AZIN2: variants seen among roughly 807,000 people sequenced by gnomAD.
The protein encoded by AZIN2 is antizyme inhibitor 2, also known as ODC antizyme inhibitor-2.
In AZIN2, 28 loss-of-function variants were observed where a neutral mutation model predicts 47.8. That is an observed-to-expected ratio of 0.59 (90% CI 0.43 to 0.80). AZIN2 has a LOEUF of 0.80. AZIN2 is among the 30% of genes least tolerant of loss of function. The probability of loss-of-function intolerance (pLI) is 0.00; values close to 1 mark genes in which losing one functional copy is unlikely to be tolerated. For synonymous variants in AZIN2, 221 were observed against 239.4 expected, an observed-to-expected ratio of 0.92 and a Z score of 0.71; for missense variants, 535 against 582.5, an observed-to-expected ratio of 0.92 and a Z score of 0.84.
At chr1:33,132,198 C>T in the AZIN2 span, among the ~76,000 whole-genome samples, 3 of 152,192 alleles carry the variant, frequency 2.0e-5, no homozygotes, top group African/African-American at 7.2e-5. Context: ...CTGCTTTTTT[C>T]CCACCCTTAC....
At chr1:33,089,765 G>C (rs1292878215) in intron 5 of AZIN2, among the ~76,000 whole-genome samples, 1 of 152,066 alleles carries the variant, frequency 6.6e-6, no homozygotes, top group Non-Finnish European at 1.5e-5. Flanking sequence ...ATAGTCATTG[G>C]GATTAAATGA....
chr1:33,151,143 C>T, the AZIN2 span, among the ~76,000 whole-genome samples: 21 of 152,076 alleles, frequency 1.4e-4, no homozygotes, highest in African/African-American at 3.9e-4. Context: ...CAAGGGGGCT[C>T]TCCGTGGGTC....
chr1:33,161,631 C>G, the AZIN2 span, among the ~76,000 whole-genome samples: 6 of 152,244 alleles, frequency 3.9e-5, no homozygotes, highest in East Asian at 7.7e-4. The surrounding 1 kb of genome is among the most constrained non-coding windows in gnomAD (Gnocchi z 4.3). Context: ...GCCAGGCTGC[C>G]GTGGCCTTCC....
rs1642913218 is a variant in AZIN2, at chr1:33,094,382, G to T, written c.588-166G>T. On this transcript the variant is annotated intron_variant, in intron 7 of 11. Transcript: ENST00000294517. Reference sequence around the variant, plus strand: ...CAAGCCTCCTGTCCACTTCTCCCTTGCCATATGGCCCTTGGCAACCCATTG... The same window carrying T: ...CAAGCCTCCTGTCCACTTCTCCCTTTCCATATGGCCCTTGGCAACCCATTG... Among the ~76,000 whole-genome samples, 6 of 152,188 alleles carry T rather than the reference G, an allele frequency of 3.9e-5. No individual in the cohort carries two copies. In the South Asian group the frequency reaches 1.2e-3, roughly 31 times the overall value.
chr1:33,114,134 T>G (rs971271829), intron 10 of AZIN2, among the ~76,000 whole-genome samples: 7 of 152,018 alleles, frequency 4.6e-5, no homozygotes, highest in African/African-American at 1.7e-4. Flanking sequence ...TTTTCTTTTT[T>G]TTTTTGAGAT....
downstream of AZIN2, among the ~76,000 whole-genome samples, chr1:33,125,327 C>A (rs571795971): frequency 5.3e-5 from 8 of 152,338 alleles, no homozygotes; most frequent in Non-Finnish European, 8.8e-5. Context: ...GATTGTCAGT[C>A]CTCTGCTGAA....
chr1:33,147,518 A>G, the AZIN2 span: 2 of 1,613,602 alleles, frequency 1.2e-6, no homozygotes, highest in Admixed American at 3.3e-5. The surrounding 1 kb of genome is among the most constrained non-coding windows in gnomAD (Gnocchi z 8.1). Flanking sequence ...CCGATCACCC[A>G]CTGGGTCTTC....
the AZIN2 span, among the ~76,000 whole-genome samples, chr1:33,149,909 G>A: frequency 1.3e-5 from 2 of 152,188 alleles, no homozygotes; most frequent in African/African-American, 2.4e-5. Flanking sequence ...CCAGCCCAGG[G>A]CCTGGCTTGT....
the AZIN2 span, among the ~76,000 whole-genome samples, chr1:33,133,643 G>A: frequency 6.6e-6 from 1 of 152,218 alleles, no homozygotes; most frequent in African/African-American, 2.4e-5. Flanking sequence ...ACTGCAGCTT[G>A]TAAGCCACCC....
the AZIN2 span, chr1:33,145,813 G>A: frequency 2.1e-6 from 1 of 468,560 alleles, no homozygotes. Flanking sequence ...GGATGCTGTG[G>A]CAGAAAAACG....
At chr1:33,165,452 G>A in the AZIN2 span, 10 of 1,567,486 alleles carry the variant, frequency 6.4e-6, no homozygotes, top group African/African-American at 2.7e-5. This position sits in a 1 kb window ranked among gnomAD's most constrained non-coding sequence, Gnocchi z 4.0. Flanking sequence ...CCCCACCTCC[G>A]CGCCCCGGCC....
chr1:33,165,404 G>A, the AZIN2 span: 1 of 1,396,756 alleles, frequency 7.2e-7, no homozygotes, highest in Non-Finnish European at 9.7e-7. The surrounding 1 kb of genome is among the most constrained non-coding windows in gnomAD (Gnocchi z 4.0). Flanking sequence ...TTCCCCAGCT[G>A]GCCCCGCCCC....
intron 5 of AZIN2, among the ~76,000 whole-genome samples, chr1:33,084,346 C>T (rs143088718): frequency 2.1e-3 from 314 of 152,284 alleles, no homozygotes; most frequent in African/African-American, 7.3e-3. Flanking sequence ...CTTCTTTGTC[C>T]CTGGTAGAAA....
At chr1:33,091,111 G>A (rs1471679390) in intron 5 of AZIN2, among the ~76,000 whole-genome samples, 1 of 152,198 alleles carries the variant, frequency 6.6e-6, no homozygotes, top group Non-Finnish European at 1.5e-5. Context: ...GGACACTTAG[G>A]TGGCTTGCGT....
At chr1:33,134,948 G>C in the AZIN2 span, among the ~76,000 whole-genome samples, 3 of 152,124 alleles carry the variant, frequency 2.0e-5, no homozygotes, top group East Asian at 5.8e-4. Flanking sequence ...GCCTCCAGCT[G>C]TGTTTCACTC....
chr1:33,144,328 G>A, the AZIN2 span, among the ~76,000 whole-genome samples: 1 of 152,160 alleles, frequency 6.6e-6, no homozygotes, highest in Non-Finnish European at 1.5e-5. Flanking sequence ...AGTAGAGACG[G>A]GGTTTCTCCA....
At chr1:33,156,261 T>A in the AZIN2 span, among the ~76,000 whole-genome samples, 1 of 152,048 alleles carries the variant, frequency 6.6e-6, no homozygotes, top group East Asian at 1.9e-4. Flanking sequence ...ACTGCCACAC[T>A]CTCTCTCCTT....
chr1:33,148,477 C>T, the AZIN2 span, among the ~76,000 whole-genome samples: 32 of 152,136 alleles, frequency 2.1e-4, no homozygotes, highest in African/African-American at 7.0e-4. Flanking sequence ...CTAAGGGCAA[C>T]ACCACTGACT....
chr1:33,138,626 CAAAAAA>C, the AZIN2 span, among the ~76,000 whole-genome samples: 1 of 66,102 alleles, frequency 1.5e-5, no homozygotes, highest in African/African-American at 4.7e-5. Context: ...ACAACAACAA[CAAAAAA>C]AAAAAAAAAA....
Sources: gnomAD v4.1 joint callset for allele counts (sites outside exome capture counted in the v4.1 genomes callset) on GRCh38, gnomAD v4.1.1 for gene constraint, Gnocchi (gnomAD v3.1) non-coding constraint, MANE v1.5 for transcripts, NCBI Gene and HGNC (gene_info 2026-07-23, HGNC 2026-07-21) for gene names.